The following POMT2 variants were observed in gnomAD, a reference collection of about 807,000 sequenced individuals.
POMT2 encodes the protein protein O-mannosyl-transferase 2.
In POMT2, 75 loss-of-function variants were observed where a neutral mutation model predicts 100.0. That is an observed-to-expected ratio of 0.75 (90% CI 0.62 to 0.91). POMT2 has a LOEUF of 0.91. Ranked by LOEUF, POMT2 falls within the 40% of genes least tolerant of loss-of-function variation. The pLI is 0.00. For synonymous variants in POMT2, 378 were observed against 374.1 expected, an observed-to-expected ratio of 1.01 and a Z score of -0.12; for missense variants, 940 against 955.1, an observed-to-expected ratio of 0.98 and a Z score of 0.21.
chr14:77,297,940 C>A (rs1003743224), intron 8 of POMT2, among the ~76,000 whole-genome samples: 6 of 152,212 alleles, frequency 3.9e-5, no homozygotes, highest in African/African-American at 1.4e-4. Flanking sequence ...TAGGTCTCCA[C>A]GGCCTGTTTT....
Position 77,279,903 on chromosome 14 carries a change from C to T in POMT2, c.1811G>A (p.Ser604Asn), listed in dbSNP as rs764005474. The T allele has an allele frequency of 6.2e-7, 1 of 1,614,120 alleles. No homozygotes were observed. Among genetic ancestry groups the T allele is most frequent in the Non-Finnish European group, 8.5e-7 (1 of 1,180,006 alleles). The change falls in exon 18 of 21, where the codon AGC (serine) becomes AAC (asparagine). Residue 604 changes from serine (S) to asparagine (N), a missense_variant. Physicochemically the swap from Ser to Asn is conservative, Grantham distance 46. Coordinates refer to ENST00000261534, the MANE Select transcript of POMT2 (RefSeq NM_013382.7). ...CCCTGAGAGGAGGTAGAGGGCGATG[C>T]TCAACAGATTCAGCCACCAAACCAC... ...NPVVWWLNLL[S>N]IALYLLSGSI...
Position 77,302,897 on chromosome 14 carries a change from G to A in POMT2, c.594C>T (p.Ile198=). 1 of 1,613,984 alleles carries A rather than the reference G, an allele frequency of 6.2e-7. No homozygotes were observed. Among genetic ancestry groups the A allele is most frequent in the South Asian group, 1.1e-5 (1 of 91,052 alleles). Residue 198 remains isoleucine (I), a synonymous_variant, in exon 5 of 21, where the codon ATC becomes ATT. Coordinates refer to ENST00000261534, the MANE Select transcript of POMT2 (RefSeq NM_013382.7). Reference sequence around the variant, plus strand: ...TGGCAGCCATGATGAAGAACATCAGGATGGGGTCAAGGAGGATGTACTGGG... The same window carrying A: ...TGGCAGCCATGATGAAGAACATCAGAATGGGGTCAAGGAGGATGTACTGGG... ...TLSQYILLDP[I]LMFFIMAAML...
rs540687426 is a variant in POMT2, at chr14:77,305,385, C to T, written c.439-585G>A. Among the ~76,000 whole-genome samples, 462 of 152,274 alleles carry T rather than the reference C, an allele frequency of 3.0e-3. 3 individuals are homozygous for T. Among genetic ancestry groups the T allele is most frequent in the African/African-American group, 0.011 (447 of 41,550 alleles). ...TTTTAAGCTGCTGGCCCTCTTCCATCCCCTACCTGTCCATCAAAATAAACA... is the reference window on the plus strand; with the variant it reads ...TTTTAAGCTGCTGGCCCTCTTCCATTCCCTACCTGTCCATCAAAATAAACA... On this transcript the variant is annotated intron_variant, in intron 3 of 20. Transcript: ENST00000261534.
chr14:77,293,285 G>C (rs749092488), intron 9 of POMT2, among the ~76,000 whole-genome samples: 3 of 151,138 alleles, frequency 2.0e-5, no homozygotes, highest in Non-Finnish European at 3.0e-5. Flanking sequence ...AGCAGTCTTT[G>C]TGTGTCTGTT....
chr14:77,279,643 TA>T, intron 18 of POMT2, 179 bp downstream of exon 18: 1 of 713,742 alleles, frequency 1.4e-6, no homozygotes, highest in South Asian at 1.5e-5. Context: ...TGGGAGGAAG[TA>T]AAGTGTTTAA....
In POMT2 at chr14:77,320,433, C is replaced by G. The variant is rs961440747; in HGVS notation, c.248+1G>C. The G allele has an allele frequency of 2.6e-6, 4 of 1,546,660 alleles. No homozygotes were observed. Among genetic ancestry groups the G allele is most frequent in the Admixed American group, 2.0e-5 (1 of 51,026 alleles). On this transcript the variant is annotated splice_donor_variant, in intron 1 of 20. Coordinates refer to ENST00000261534, the MANE Select transcript of POMT2 (RefSeq NM_013382.7). LOFTEE classifies it high-confidence loss of function. ...CCCGCCGAGTCCCTCCCATCACTCA[C>G]CAGATGTGCGGCGGCTCGTCCAAGC...
chr14:77,303,487 G>A (rs1434717571), intron 4 of POMT2, among the ~76,000 whole-genome samples: 8 of 151,956 alleles, frequency 5.3e-5, no homozygotes, highest in Admixed American at 1.3e-4. Context: ...GAGTCTGTGC[G>A]GTCTCCCTAC....
intron 5 of POMT2, among the ~76,000 whole-genome samples, chr14:77,301,522 T>C (rs112203494): frequency 6.6e-6 from 1 of 152,098 alleles, no homozygotes; most frequent in Non-Finnish European, 1.5e-5. Context: ...TCAGGGTAAG[T>C]GGGGGCTCCT....
chr14:77,315,007 G>A (rs1891576112), intron 1 of POMT2, among the ~76,000 whole-genome samples: 1 of 152,164 alleles, frequency 6.6e-6, no homozygotes, highest in African/African-American at 2.4e-5. Context: ...TAAAGGTTGG[G>A]CTGAGGTTTC....
At position 77,301,266 on chromosome 14, in the gene POMT2, C is replaced by T. The variant is rs776812254; in HGVS notation, c.657-17G>A. 32 of 1,613,872 alleles carry T rather than the reference C, an allele frequency of 2.0e-5. No individual in the cohort carries two copies. Among genetic ancestry groups the T allele is most frequent in the South Asian group, 8.8e-5 (8 of 91,058 alleles). On this transcript the variant is annotated splice_polypyrimidine_tract_variant and intron_variant, in intron 5 of 20. Coordinates refer to ENST00000261534, the MANE Select transcript of POMT2 (RefSeq NM_013382.7). Reference sequence around the variant, plus strand: ...GAGAAGGGCCTGAAAATCAACAAGACGGAGTTCAATTTGGCAGCTGGAACC... The same window carrying T: ...GAGAAGGGCCTGAAAATCAACAAGATGGAGTTCAATTTGGCAGCTGGAACC...
At chr14:77,314,453 G>A (rs557138256) in intron 1 of POMT2, among the ~76,000 whole-genome samples, 10 of 152,190 alleles carry the variant, frequency 6.6e-5, no homozygotes, top group Non-Finnish European at 1.5e-4. Context: ...AAAAAACAGT[G>A]ACAGGCTAAC....
At chr14:77,287,756 G>A (rs948901349) in intron 11 of POMT2, 3 of 152,042 alleles carry the variant, frequency 2.0e-5, no homozygotes, top group African/African-American at 4.8e-5. Context: ...AAATGACAAC[G>A]ACTTTCCCCA....
chr14:77,291,662 C>T (rs576922293), intron 9 of POMT2, among the ~76,000 whole-genome samples: 1 of 152,272 alleles, frequency 6.6e-6, no homozygotes, highest in Admixed American at 6.5e-5. Flanking sequence ...TCCATCCAGC[C>T]TTCTAGAGGG....
At position 77,311,989 on chromosome 14, in the gene POMT2, T is replaced by C. The variant is rs368034790; in HGVS notation, c.293A>G (p.Asn98Ser). The change falls in exon 2 of 21, where the codon AAC becomes AGC. Residue 98 changes from asparagine to serine, a missense_variant. Transcript: ENST00000261534. ...GTGCACATCAAAGAAAAATGTACGG[T>C]TGATATAGTAACTTCCCATTTTTCC... is the stretch of plus-strand genomic sequence containing the variant. The part of the protein sequence containing the change: ...HFGKMGSYYI[N>S]RTFFFDVHPP... 2.8e-5 allele frequency: 46 copies of C among 1,614,064 alleles called. No homozygotes were observed. In the African/African-American group the frequency reaches 5.6e-4, roughly 20 times the overall value.
At chr14:77,318,488 A>G (rs944675974) in intron 1 of POMT2, among the ~76,000 whole-genome samples, 2 of 152,214 alleles carry the variant, frequency 1.3e-5, no homozygotes, top group Non-Finnish European at 2.9e-5. Flanking sequence ...TGCGGCTGAT[A>G]CAAATCACAT....
intron 1 of POMT2, chr14:77,312,698 C>T (rs1464513582): frequency 2.6e-5 from 4 of 151,878 alleles, no homozygotes; most frequent in African/African-American, 9.7e-5. Flanking sequence ...CTAGTGTAAA[C>T]AAAAATTTAA....
intron 9 of POMT2, among the ~76,000 whole-genome samples, chr14:77,294,744 C>T (rs2363639): frequency 6.6e-6 from 1 of 152,212 alleles, no homozygotes; most frequent in African/African-American, 2.4e-5. Context: ...CCATGTGGAA[C>T]TTTAAGTCCA....
At chr14:77,310,424 C>G (rs1334065212) in intron 2 of POMT2, among the ~76,000 whole-genome samples, 1 of 152,158 alleles carries the variant, frequency 6.6e-6, no homozygotes, top group Admixed American at 6.5e-5. Context: ...GTGACTAGAA[C>G]AGAATAAATG....
intron 9 of POMT2, among the ~76,000 whole-genome samples, chr14:77,292,319 G>A (rs2140207102): frequency 6.6e-6 from 1 of 152,280 alleles, no homozygotes; most frequent in Middle Eastern, 3.4e-3. Flanking sequence ...TGCTGATGCT[G>A]AAAATGGCTA....
Sources: gnomAD v4.1 joint callset for allele counts (sites outside exome capture counted in the v4.1 genomes callset) on GRCh38, gnomAD v4.1.1 for gene constraint, MANE v1.5 for transcripts, NCBI Gene and HGNC (gene_info 2026-07-23, HGNC 2026-07-21) for gene names.